The following ASCC3 variants were observed in gnomAD, a reference collection of about 807,000 sequenced individuals.
ASCC3 encodes the protein activating signal cointegrator 1 complex subunit 3.
In ASCC3, 158 loss-of-function variants were observed where a neutral mutation model predicts 256.3. That is an observed-to-expected ratio of 0.62 (90% confidence interval 0.54 to 0.70). The LOEUF is 0.70. ASCC3 is among the 30% of genes least tolerant of loss of function. ASCC3 has a pLI of 0.00. For synonymous variants in ASCC3, 948 were observed against 883.4 expected (o/e 1.07, Z -1.30); for missense variants, 2,259 against 2,626.0 (o/e 0.86, Z 3.05).
Position 100,834,537 on chromosome 6 carries a change from C to T in ASCC3, c.801+13611G>A, listed in dbSNP as rs188129388. Among the ~76,000 whole-genome samples, 94 of 152,040 alleles carry T rather than the reference C, an allele frequency of 6.2e-4. 1 individual carries two copies. The highest frequency in any genetic ancestry group is 2.0e-3 in the African/African-American group (83 of 41,500). On this transcript the variant is annotated intron_variant, in intron 4 of 41. Transcript: ENST00000369162. ...ACATATGTGGGAAAAATAAAAATAACGAAAAGAGCAACAAAACAAAAGCTG... is the reference window on the plus strand; with the variant it reads ...ACATATGTGGGAAAAATAAAAATAATGAAAAGAGCAACAAAACAAAAGCTG...
intron 36 of ASCC3, among the ~76,000 whole-genome samples, chr6:100,544,301 A>T (rs569079198): frequency 4.7e-4 from 72 of 152,206 alleles, no homozygotes; most frequent in African/African-American, 1.7e-3. Context: ...AAGCAAAAGA[A>T]AGGAAAGGAT....
At chr6:100,757,212 T>C (rs1280925098) in intron 10 of ASCC3, among the ~76,000 whole-genome samples, 1 of 148,130 alleles carries the variant, frequency 6.8e-6, no homozygotes, top group Non-Finnish European at 1.5e-5. Flanking sequence ...ATTAAAACAG[T>C]GTAGTCCTCA....
intron 4 of ASCC3, among the ~76,000 whole-genome samples, chr6:100,834,538 G>A (rs1055512470): frequency 6.6e-6 from 1 of 151,978 alleles, no homozygotes; most frequent in Admixed American, 6.6e-5. Flanking sequence ...TAAAAATAAC[G>A]AAAAGAGCAA....
At chr6:100,866,517 A>G (rs987828758) in intron 2 of ASCC3, among the ~76,000 whole-genome samples, 28 of 152,316 alleles carry the variant, frequency 1.8e-4, no homozygotes, top group African/African-American at 6.3e-4. Context: ...CTCAAAATTC[A>G]TATGTGGATT....
chr6:100,513,886 C>G (rs1773895665), intron 39 of ASCC3, among the ~76,000 whole-genome samples: 1 of 149,866 alleles, frequency 6.7e-6, no homozygotes, highest in Non-Finnish European at 1.5e-5. Flanking sequence ...CACCATCAGT[C>G]AAGAAAACTT....
At chr6:100,800,271 A>C (rs1769844779) in intron 6 of ASCC3, 29 bp downstream of exon 6, 1 of 1,605,938 alleles carries the variant, frequency 6.2e-7, no homozygotes, top group East Asian at 2.2e-5. Flanking sequence ...TTACAACACA[A>C]GCATTTTTCA....
chr6:100,737,066 G>C (rs527787771), intron 10 of ASCC3, among the ~76,000 whole-genome samples: 1 of 151,146 alleles, frequency 6.6e-6, no homozygotes, highest in East Asian at 2.0e-4. Flanking sequence ...AGAATTGCTT[G>C]AACCCGAGAG....
chr6:100,685,050 G>T (rs1777503635), intron 13 of ASCC3, among the ~76,000 whole-genome samples: 1 of 152,004 alleles, frequency 6.6e-6, no homozygotes, highest in East Asian at 1.9e-4. Flanking sequence ...CTCGTGATCC[G>T]CCAGCCTCGG....
chr6:100,791,110 T>C (rs1769331511), intron 8 of ASCC3, among the ~76,000 whole-genome samples: 2 of 151,824 alleles, frequency 1.3e-5, no homozygotes, highest in Admixed American at 6.6e-5. Context: ...AATTTCTTAT[T>C]TATAATTTTA....
At chr6:100,781,406 CAG>C (rs927884967) in intron 8 of ASCC3, among the ~76,000 whole-genome samples, 5 of 152,090 alleles carry the variant, frequency 3.3e-5, no homozygotes, top group Non-Finnish European at 1.5e-5. Flanking sequence ...GTTTTTAAGA[CAG>C]AGTCTTGCTC....
Position 100,875,630 on chromosome 6 carries a change from A to C in ASCC3, c.-42+5431T>G, listed in dbSNP as rs1236580922. Among the ~76,000 whole-genome samples the C allele has an allele frequency of 1.3e-5, 2 of 152,210 alleles. 1 individual carries two copies. The highest frequency in any genetic ancestry group is 4.1e-4 in the South Asian group (2 of 4,830). On this transcript the variant is annotated intron_variant, in intron 1 of 41. Coordinates refer to ENST00000369162, the MANE Select transcript of ASCC3 (RefSeq NM_006828.4). ...CACTCCACCCCTAAAGGCCTCTTGG[A>C]AGTAGACAGTAGAGAGTTAAGAACA...
At chr6:100,718,291 T>C (rs779445817) in intron 11 of ASCC3, 40 bp from the exon 12 acceptor site, 5 of 1,486,398 alleles carry the variant, frequency 3.4e-6, no homozygotes, top group Non-Finnish European at 4.6e-6. Context: ...TTATTTAAAT[T>C]AATTTAACCA....
At chr6:100,541,416 A>G (rs181589424) in intron 36 of ASCC3, among the ~76,000 whole-genome samples, 8 of 152,328 alleles carry the variant, frequency 5.3e-5, no homozygotes, top group Non-Finnish European at 1.0e-4. Flanking sequence ...GCATTGCCTC[A>G]GCTTACTGCA....
intron 8 of ASCC3, among the ~76,000 whole-genome samples, chr6:100,797,626 A>G (rs534789785): frequency 9.5e-4 from 145 of 152,158 alleles, no homozygotes; most frequent in Non-Finnish European, 1.7e-3. Flanking sequence ...TCCTGGCTGT[A>G]TTGTAGAATC....
At chr6:100,640,922 A>T (rs75942990) in intron 24 of ASCC3, among the ~76,000 whole-genome samples, 1 of 152,104 alleles carries the variant, frequency 6.6e-6, no homozygotes, top group South Asian at 2.1e-4. Flanking sequence ...GTTCATTAAA[A>T]GTAGTGAGGA....
intron 25 of ASCC3, among the ~76,000 whole-genome samples, chr6:100,637,803 T>G (rs911670394): frequency 1.3e-5 from 2 of 152,198 alleles, no homozygotes; most frequent in African/African-American, 4.8e-5. Flanking sequence ...AAGTGGAGCC[T>G]GATGATATAA....
At chr6:100,528,784 A>T (rs2114637515) in intron 37 of ASCC3, among the ~76,000 whole-genome samples, 2 of 152,318 alleles carry the variant, frequency 1.3e-5, no homozygotes, top group South Asian at 4.1e-4. Context: ...AGGCACACTG[A>T]ATCACCTAGA....
At chr6:100,604,906 A>G (rs778774778) in intron 33 of ASCC3, among the ~76,000 whole-genome samples, 8 of 152,130 alleles carry the variant, frequency 5.3e-5, no homozygotes, top group Non-Finnish European at 1.2e-4. Flanking sequence ...GTAGAAAGTG[A>G]TAAGTATTTA....
chr6:100,547,425 A>G (rs1769029776), intron 36 of ASCC3, among the ~76,000 whole-genome samples: 1 of 152,018 alleles, frequency 6.6e-6, no homozygotes, highest in Non-Finnish European at 1.5e-5. Flanking sequence ...AATAAAAGCC[A>G]CAGAGTGAAA....
Sources: gnomAD v4.1 joint callset for allele counts (sites outside exome capture counted in the v4.1 genomes callset) on GRCh38, gnomAD v4.1.1 for gene constraint, MANE v1.5 for transcripts, NCBI Gene and HGNC (gene_info 2026-07-23, HGNC 2026-07-21) for gene names.